MGAT4C: variants seen among roughly 807,000 people sequenced by gnomAD.
MGAT4C encodes MGAT4 family member C.
Under a neutral mutation model 40.1 loss-of-function variants are expected in MGAT4C, and 19 were observed. The ratio of observed to expected loss-of-function variants is 0.47; its 90% CI spans 0.33 to 0.70. The LOEUF (loss-of-function observed/expected upper bound fraction) is 0.70. MGAT4C is among the 30% of genes least tolerant of loss of function. MGAT4C has a pLI of 0.02. For missense variants in MGAT4C, 491 were observed against 563.2 expected (o/e 0.87, Z 1.30); for synonymous variants, 181 against 187.1 (o/e 0.97, Z 0.27).
chr12:86,719,900 CAG>C (rs1950710068), intron 2 of MGAT4C, among the ~76,000 whole-genome samples: 1 of 152,148 alleles, frequency 6.6e-6, no homozygotes, highest in Admixed American at 6.5e-5. Context: ...TGTTATTTTA[CAG>C]AGATTATCTG....
chr12:86,814,283 T>TAC (rs529750068), intron 1 of MGAT4C, among the ~76,000 whole-genome samples: 6 of 48,100 alleles, frequency 1.2e-4, no homozygotes, highest in African/African-American at 3.0e-4. Context: ...CGTATATATA[T>TAC]ACATATATAT....
intron 1 of MGAT4C, among the ~76,000 whole-genome samples, chr12:86,229,650 T>C (rs1951235133): frequency 6.6e-6 from 1 of 152,004 alleles, no homozygotes; most frequent in African/African-American, 2.4e-5. Flanking sequence ...ATAAGTAGCT[T>C]ACAATCTAGT....
chr12:86,785,807 A>C (rs2136188072), intron 1 of MGAT4C, among the ~76,000 whole-genome samples: 1 of 151,558 alleles, frequency 6.6e-6, no homozygotes, highest in East Asian at 1.9e-4. Flanking sequence ...AATATAACAT[A>C]ATAATCTTTG....
intron 2 of MGAT4C, among the ~76,000 whole-genome samples, chr12:86,546,099 G>A (rs944901634): frequency 7.3e-5 from 11 of 151,700 alleles, no homozygotes; most frequent in Admixed American, 6.6e-4. Flanking sequence ...GTTCTCTTTC[G>A]ATCACATCTG....
chr12:86,412,990 C>T (rs1426592072), intron 3 of MGAT4C, among the ~76,000 whole-genome samples: 3 of 152,140 alleles, frequency 2.0e-5, no homozygotes, highest in Admixed American at 6.6e-5. Flanking sequence ...TCACTCTCTT[C>T]CTCCTGCTCT....
At chr12:86,037,222 G>T (rs1891324389) in intron 2 of MGAT4C, among the ~76,000 whole-genome samples, 1 of 149,500 alleles carries the variant, frequency 6.7e-6, no homozygotes, top group Non-Finnish European at 1.5e-5. Context: ...CGATTTCGTT[G>T]ATCTTTTCAA....
intron 4 of MGAT4C, among the ~76,000 whole-genome samples, chr12:86,331,470 AC>A (rs143538735): frequency 6.6e-6 from 1 of 152,224 alleles, no homozygotes; most frequent in East Asian, 1.9e-4. Context: ...AAGGTCATAT[AC>A]CAGTTAAACT....
chr12:86,319,511 A>T (rs1954326181), intron 4 of MGAT4C, among the ~76,000 whole-genome samples: 2 of 152,170 alleles, frequency 1.3e-5, no homozygotes, highest in African/African-American at 4.8e-5. Flanking sequence ...TCCTGAATAA[A>T]ATGGTCTACC....
intron 2 of MGAT4C, among the ~76,000 whole-genome samples, chr12:86,700,334 CTG>C (rs767616614): frequency 2.7e-4 from 40 of 149,042 alleles, no homozygotes; most frequent in Middle Eastern, 3.4e-3. Context: ...GAGAGAGAGA[CTG>C]TGTGTGTGTG....
At chr12:86,011,776 T>C (rs1338336054) in intron 2 of MGAT4C, 1 of 931,518 alleles carries the variant, frequency 1.1e-6, no homozygotes, top group African/African-American at 1.8e-5. Flanking sequence ...AACACTATAT[T>C]GAACATGGCA....
intron 3 of MGAT4C, among the ~76,000 whole-genome samples, chr12:86,342,657 T>C (rs992843489): frequency 1.2e-4 from 19 of 152,146 alleles, no homozygotes; most frequent in African/African-American, 4.6e-4. Context: ...GCCAGGATGA[T>C]CTCGATCTCC....
At chr12:86,348,338 T>C (rs1160110251) in intron 3 of MGAT4C, among the ~76,000 whole-genome samples, 7 of 152,286 alleles carry the variant, frequency 4.6e-5, no homozygotes, top group Non-Finnish European at 7.4e-5. Flanking sequence ...TTTTAAGATA[T>C]TCTTAGAATC....
chr12:86,782,849 T>G (rs1278343503), intron 1 of MGAT4C, among the ~76,000 whole-genome samples: 2 of 151,884 alleles, frequency 1.3e-5, no homozygotes, highest in Non-Finnish European at 2.9e-5. Flanking sequence ...GAAAGAGGTT[T>G]CAGAAACCAA....
chr12:86,713,279 T>G (rs1950590879), intron 2 of MGAT4C, among the ~76,000 whole-genome samples: 1 of 152,132 alleles, frequency 6.6e-6, no homozygotes, highest in African/African-American at 2.4e-5. Flanking sequence ...CAACTCCCTC[T>G]GTGAGTACTG....
At chr12:86,312,675 T>G (rs1181786962) in intron 4 of MGAT4C, among the ~76,000 whole-genome samples, 1 of 152,024 alleles carries the variant, frequency 6.6e-6, no homozygotes, top group East Asian at 1.9e-4. Flanking sequence ...ATATATATAA[T>G]GTAAATAATA....
intron 2 of MGAT4C, among the ~76,000 whole-genome samples, chr12:86,676,667 ACT>A (rs1186578162): frequency 2.0e-5 from 3 of 150,990 alleles, no homozygotes; most frequent in African/African-American, 7.3e-5. Flanking sequence ...TCATTCACAA[ACT>A]CTAATGCCAG....
At chr12:86,074,924 C>T (rs1388167756) in intron 1 of MGAT4C, among the ~76,000 whole-genome samples, 1 of 152,022 alleles carries the variant, frequency 6.6e-6, no homozygotes, top group Non-Finnish European at 1.5e-5. Flanking sequence ...ATTATGGAAG[C>T]TACAATTCAA....
At chr12:86,071,470 A>G (rs1174008320) in intron 1 of MGAT4C, among the ~76,000 whole-genome samples, 1 of 152,086 alleles carries the variant, frequency 6.6e-6, no homozygotes, top group South Asian at 2.1e-4. Context: ...TGATAACTTT[A>G]CATCTGGCTA....
At chr12:86,530,730 C>T (rs2136372334) in intron 2 of MGAT4C, among the ~76,000 whole-genome samples, 1 of 152,076 alleles carries the variant, frequency 6.6e-6, no homozygotes. Context: ...AATTTGTTCA[C>T]TATTTCTCAA....
Sources: gnomAD v4.1 joint callset for allele counts (sites outside exome capture counted in the v4.1 genomes callset) on GRCh38, gnomAD v4.1.1 for gene constraint, MANE v1.5 for transcripts, NCBI Gene and HGNC (gene_info 2026-07-23, HGNC 2026-07-21) for gene names.